The following DYNC2LI1 variants were observed in gnomAD, a reference collection of about 807,000 sequenced individuals.
DYNC2LI1 encodes the protein dynein cytoplasmic 2 light intermediate chain 1, also known as cytoplasmic dynein 2 light intermediate chain 1.
Under a neutral mutation model 51.9 loss-of-function variants are expected in DYNC2LI1, and 45 were observed. That is an observed-to-expected ratio of 0.87 (90% CI 0.68 to 1.11). The LOEUF is 1.11. DYNC2LI1 is among the 50% of genes most tolerant of loss of function. DYNC2LI1 has a pLI of 0.00. For missense variants in DYNC2LI1, 490 were observed against 417.4 expected (o/e 1.17, Z -1.51); for synonymous variants, 130 against 137.8 (o/e 0.94, Z 0.40).
chr2:43,787,203 T>G lies in DYNC2LI1; in HGVS notation c.184T>G (p.Leu62Val). The stretch of plus-strand genomic sequence containing the variant: ...CAGAGATGAACCACCAAAACCAACC[T>G]TAGCTTTGGAATATACATATGGAAG... ...LDRDEPPKPT[L>V]ALEYTYGRRA... is the part of the protein sequence containing the mutation. Residue 62 changes from leucine (L) to valine (V), a missense_variant, in exon 4 of 13, where the codon TTA becomes GTA. Physicochemically the swap from Leu to Val is conservative, Grantham distance 32. Transcript: ENST00000260605. 1.9e-6 allele frequency: 3 copies of G among 1,613,398 alleles called. No homozygotes were observed. The highest frequency in any genetic ancestry group is 1.7e-6 in the Non-Finnish European group (2 of 1,179,628).
chr2:43,814,515 A>C (rs575657776), downstream of DYNC2LI1: 24 of 1,609,338 alleles, frequency 1.5e-5, no homozygotes, highest in South Asian at 2.4e-4. Context: ...ATTGACTACA[A>C]GAATCTCACT....
At chr2:43,777,785 C>T (rs944697804) in intron 2 of DYNC2LI1, among the ~76,000 whole-genome samples, 23 of 152,172 alleles carry the variant, frequency 1.5e-4, no homozygotes, top group Admixed American at 3.9e-4. Context: ...TCTGCACAAC[C>T]GGACACCCTC....
chr2:43,806,577 A>G (rs1270917918), intron 12 of DYNC2LI1, among the ~76,000 whole-genome samples: 1 of 152,224 alleles, frequency 6.6e-6, no homozygotes, highest in Non-Finnish European at 1.5e-5. Flanking sequence ...GCCTGGCTAT[A>G]AGGATTAGTT....
At chr2:43,796,019 G>T in intron 7 of DYNC2LI1, 61 bp downstream of exon 7, 1 of 1,149,016 alleles carries the variant, frequency 8.7e-7, no homozygotes, top group Non-Finnish European at 1.3e-6. Context: ...TTTTATGAGG[G>T]AGGTACAAAA....
At chr2:43,774,194 C>T (rs1247767983) in intron 1 of DYNC2LI1, 48 bp downstream of exon 1, 11 of 1,610,682 alleles carry the variant, frequency 6.8e-6, no homozygotes, top group Non-Finnish European at 9.3e-6. Flanking sequence ...GAGAGTATTC[C>T]TGGAGAGAGG....
chr2:43,804,494 G>C, intron 10 of DYNC2LI1, 148 bp from the exon 11 acceptor site: 1 of 554,842 alleles, frequency 1.8e-6, no homozygotes, highest in Non-Finnish European at 3.2e-6. Flanking sequence ...GCTATGCTGG[G>C]TAGGGTAAAT....
At chr2:43,800,765 C>A in intron 8 of DYNC2LI1, 76 bp from the exon 9 acceptor site, 1 of 763,162 alleles carries the variant, frequency 1.3e-6, no homozygotes, top group Non-Finnish European at 2.1e-6. Context: ...TGTATTTGTT[C>A]AAAGCCATAT....
chr2:43,798,360 T>G (rs1665959423), intron 8 of DYNC2LI1, among the ~76,000 whole-genome samples: 1 of 152,238 alleles, frequency 6.6e-6, no homozygotes, highest in Non-Finnish European at 1.5e-5. Context: ...TCGTATTTGC[T>G]TACGTATTAG....
At chr2:43,775,412 G>T (rs1326074096) in intron 1 of DYNC2LI1, among the ~76,000 whole-genome samples, 1 of 151,728 alleles carries the variant, frequency 6.6e-6, no homozygotes, top group Non-Finnish European at 1.5e-5. Context: ...ATCGTGTAAA[G>T]TTATATATCT....
chr2:43,787,604 C>A (rs1214657132), intron 4 of DYNC2LI1, among the ~76,000 whole-genome samples: 1 of 152,082 alleles, frequency 6.6e-6, no homozygotes, highest in African/African-American at 2.4e-5. Flanking sequence ...TGTTTAAAAT[C>A]TAAATTATTA....
At chr2:43,792,448 G>T (rs1193656032) in intron 5 of DYNC2LI1, among the ~76,000 whole-genome samples, 8 of 152,052 alleles carry the variant, frequency 5.3e-5, no homozygotes, top group Non-Finnish European at 1.2e-4. Context: ...CAAGGATTAT[G>T]GTTCTACATA....
At chr2:43,814,420 A>G, downstream of DYNC2LI1, 1 of 1,116,910 alleles carries the variant, frequency 9.0e-7, no homozygotes, top group Admixed American at 1.8e-5. Context: ...ATTTCCTCCA[A>G]GAAATTGCTT....
At chr2:43,790,194 T>C (rs147061520) in intron 5 of DYNC2LI1, among the ~76,000 whole-genome samples, 60 of 152,334 alleles carry the variant, frequency 3.9e-4, no homozygotes, top group Non-Finnish European at 6.6e-4. Flanking sequence ...AGAAAGTCTC[T>C]CCGTTTGCTG....
intron 12 of DYNC2LI1, 158 bp downstream of exon 12, chr2:43,805,404 A>G (rs573712124): frequency 9.3e-4 from 396 of 424,400 alleles, no homozygotes; most frequent in Non-Finnish European, 1.2e-3. Flanking sequence ...TAACACACTA[A>G]TAGTATACTG....
rs185242405 is a variant in DYNC2LI1 at position 43,794,841 on chromosome 2, C to A, written c.507+198C>A. The A allele has an allele frequency of 5.3e-4, 767 of 1,440,162 alleles. 1 individual carries two copies. Among genetic ancestry groups the A allele is most frequent in the Non-Finnish European group, 5.8e-4 (644 of 1,101,350 alleles). 89.2% of individuals were successfully genotyped at this position (1,440,162 alleles called of 1,614,324 possible). A position where few individuals can be genotyped will look rare whatever the true frequency, so the allele number is the denominator to read the frequency against. On this transcript the variant is annotated intron_variant, in intron 6 of 12. Coordinates refer to ENST00000260605, the MANE Select transcript of DYNC2LI1 (RefSeq NM_016008.4). ...CAAGGAAGAAGATTCCTTATATCTT[C>A]TTGTTAGACATCTTCTGTGATTGTT...
At chr2:43,814,546 A>C (rs1239522875), downstream of DYNC2LI1, 2 of 1,609,432 alleles carry the variant, frequency 1.2e-6, no homozygotes, top group African/African-American at 1.3e-5. Flanking sequence ...TGGAATGTAA[A>C]ATAACTGATG....
At chr2:43,776,450 C>G (rs144317214) in intron 1 of DYNC2LI1, among the ~76,000 whole-genome samples, 344 of 152,212 alleles carry the variant, frequency 2.3e-3, no homozygotes, top group African/African-American at 8.0e-3. Context: ...TTGTACATTC[C>G]CAAAGTCATT....
the DYNC2LI1 span, among the ~76,000 whole-genome samples, chr2:43,816,045 G>A: frequency 6.6e-6 from 1 of 152,098 alleles, no homozygotes; most frequent in African/African-American, 2.4e-5. Flanking sequence ...TAGGAACTGT[G>A]AACCTTTGTT....
the DYNC2LI1 span, among the ~76,000 whole-genome samples, chr2:43,825,436 G>A: frequency 6.6e-6 from 1 of 152,234 alleles, no homozygotes; most frequent in Non-Finnish European, 1.5e-5. Flanking sequence ...GCAAATAATA[G>A]CTAACTAAAG....
Sources: allele counts gnomAD v4.1 joint callset (sites outside exome capture counted in the v4.1 genomes callset), GRCh38; gene constraint gnomAD v4.1.1; transcripts MANE v1.5; gene names NCBI Gene and HGNC (gene_info 2026-07-23, HGNC 2026-07-21).